Variants in RFC3 observed in about 807,000 individuals in gnomAD.
The protein encoded by RFC3 is A1 38 kDa subunit.
RFC3 carries 41 observed loss-of-function variants against 45.1 expected under a neutral mutation model. The observed-to-expected ratio is 0.91, with a 90% CI of 0.71 to 1.18. The LOEUF (loss-of-function observed/expected upper bound fraction) is 1.18. Among genes scored for constraint, RFC3 ranks in the 50% most tolerant of loss-of-function variants. The pLI, the probability that RFC3 is intolerant of heterozygous loss-of-function variation, is 0.00. For synonymous variants in RFC3, 149 were observed against 144.0 expected, an observed-to-expected ratio of 1.03 and a Z score of -0.25; for missense variants, 423 against 428.1, an observed-to-expected ratio of 0.99 and a Z score of 0.10.
chr13:33,909,241 A>G (rs2082689913), intron 8 of RFC3, among the ~76,000 whole-genome samples: 1 of 151,974 alleles, frequency 6.6e-6, no homozygotes, highest in South Asian at 2.1e-4. Flanking sequence ...TGGAAGAGAT[A>G]TTTTAAATTT....
At chr13:33,848,344 T>C (rs1208825261) in intron 8 of RFC3, 1 of 152,226 alleles carries the variant, frequency 6.6e-6, no homozygotes, top group Non-Finnish European at 1.5e-5. Flanking sequence ...TCCATGCTCC[T>C]TCCCCCTTTC....
intron 8 of RFC3, among the ~76,000 whole-genome samples, chr13:33,862,678 TATATTC>T (rs2082348826): frequency 1.3e-5 from 2 of 152,242 alleles, no homozygotes; most frequent in Non-Finnish European, 2.9e-5. Context: ...TATATTTTGA[TATATTC>T]ATATATCTTC....
intron 8 of RFC3, among the ~76,000 whole-genome samples, chr13:33,844,537 T>G (rs1265028128): frequency 2.6e-5 from 4 of 152,216 alleles, no homozygotes; most frequent in Non-Finnish European, 5.9e-5. Flanking sequence ...TTTTCTTGTT[T>G]GTGTATCTGT....
chr13:33,886,153 A>G (rs767409586), intron 8 of RFC3, among the ~76,000 whole-genome samples: 9 of 152,196 alleles, frequency 5.9e-5, no homozygotes, highest in Non-Finnish European at 1.0e-4. Flanking sequence ...CCAAGGATAG[A>G]AGCTGCATGT....
chr13:33,896,162 A>C lies in RFC3; in HGVS notation c.879+60945A>C, dbSNP rs528672646. On this transcript the variant is annotated intron_variant, in intron 8 of 8. Transcript: ENST00000434425. ...TTGTACCCCAAAAGCTATTGAAACAAAGAAATATATATATATGTATATATA... is the reference window on the plus strand; with the variant it reads ...TTGTACCCCAAAAGCTATTGAAACACAGAAATATATATATATGTATATATA... Among the ~76,000 whole-genome samples, 7 of 151,622 alleles carry C rather than the reference A, an allele frequency of 4.6e-5. No homozygotes were observed. The East Asian group carries it at 1.4e-3, about 29-fold the overall frequency.
intron 8 of RFC3, among the ~76,000 whole-genome samples, chr13:33,860,745 GAAGGTTACTTTGGC>G (rs1308272687): frequency 2.6e-5 from 4 of 152,128 alleles, no homozygotes; most frequent in Admixed American, 2.6e-4. Context: ...TCCAATCAGG[GAAGGTTACTTTGGC>G]AACCGCCAAT....
intron 8 of RFC3, among the ~76,000 whole-genome samples, chr13:33,931,334 G>A (rs1280011442): frequency 6.6e-6 from 1 of 152,080 alleles, no homozygotes; most frequent in Non-Finnish European, 1.5e-5. Context: ...GCCTAGAGGG[G>A]CTGTTAAACA....
intron 8 of RFC3, among the ~76,000 whole-genome samples, chr13:33,951,858 T>C (rs2082993250): frequency 6.6e-6 from 1 of 152,208 alleles, no homozygotes. Flanking sequence ...ACAATAATCA[T>C]GAAAGGGAAA....
chr13:33,906,159 CT>C (rs2082670691), intron 8 of RFC3, among the ~76,000 whole-genome samples: 1 of 152,086 alleles, frequency 6.6e-6, no homozygotes, highest in Non-Finnish European at 1.5e-5. Flanking sequence ...AAACACAGTT[CT>C]TAGGCTGTAA....
intron 8 of RFC3, among the ~76,000 whole-genome samples, chr13:33,923,946 A>C (rs915204383): frequency 1.3e-5 from 2 of 152,128 alleles, no homozygotes; most frequent in Non-Finnish European, 2.9e-5. Flanking sequence ...AGCTGGAGTT[A>C]TCTCTGAAGG....
chr13:33,825,179 A>T (rs2082037858), intron 3 of RFC3, among the ~76,000 whole-genome samples: 1 of 152,172 alleles, frequency 6.6e-6, no homozygotes, highest in South Asian at 2.1e-4. Context: ...TCTTTGACTG[A>T]AGTGCCAAAG....
intron 8 of RFC3, among the ~76,000 whole-genome samples, chr13:33,907,079 C>T (rs1389601566): frequency 6.6e-6 from 1 of 152,072 alleles, no homozygotes; most frequent in Non-Finnish European, 1.5e-5. Context: ...TTGCCTCAGC[C>T]TCTCAGAATG....
At chr13:33,935,957 A>C (rs886294119) in intron 8 of RFC3, among the ~76,000 whole-genome samples, 1 of 152,208 alleles carries the variant, frequency 6.6e-6, no homozygotes, top group Non-Finnish European at 1.5e-5. Flanking sequence ...CAGCATGGGC[A>C]GGTCCCCTGA....
downstream of RFC3, among the ~76,000 whole-genome samples, chr13:33,968,042 A>C (rs1308124870): frequency 1.3e-5 from 2 of 152,200 alleles, no homozygotes; most frequent in Non-Finnish European, 2.9e-5. Context: ...GTCACCCATG[A>C]AGGGTTATCT....
downstream of RFC3, among the ~76,000 whole-genome samples, chr13:33,838,407 A>G (rs1305269885): frequency 6.6e-6 from 1 of 152,046 alleles, no homozygotes; most frequent in African/African-American, 2.4e-5. Context: ...AATGTAGTTT[A>G]CCATTTATAG....
At chr13:33,939,439 G>A (rs1366653662) in intron 8 of RFC3, among the ~76,000 whole-genome samples, 2 of 152,176 alleles carry the variant, frequency 1.3e-5, no homozygotes, top group Non-Finnish European at 2.9e-5. Flanking sequence ...TGCTCGGAAG[G>A]TGGTGCACCC....
At chr13:33,931,991 G>T (rs2082855480) in intron 8 of RFC3, among the ~76,000 whole-genome samples, 1 of 152,072 alleles carries the variant, frequency 6.6e-6, no homozygotes, top group South Asian at 2.1e-4. Context: ...TGTTGTGTGT[G>T]TGTGTTTGTA....
At chr13:33,926,323 C>T (rs901010941) in intron 8 of RFC3, among the ~76,000 whole-genome samples, 1 of 151,496 alleles carries the variant, frequency 6.6e-6, no homozygotes, top group African/African-American at 2.4e-5. Flanking sequence ...CTAACCTGCA[C>T]ATTGTGCACA....
rs1251412346 is a variant in RFC3 at position 33,821,121 on chromosome 13, T to C, written c.88-11T>C. Reference sequence around the variant, plus strand: ...TTGACTAGGGAAAAATGCCTTGTTCTTTTTTTTCAGGTGCAGTGTGGTGAC... The same window carrying C: ...TTGACTAGGGAAAAATGCCTTGTTCCTTTTTTTCAGGTGCAGTGTGGTGAC... On this transcript the variant is annotated splice_polypyrimidine_tract_variant and intron_variant, in intron 1 of 8. Coordinates refer to ENST00000380071, the MANE Select transcript of RFC3 (RefSeq NM_002915.4). 6.2e-7 allele frequency: 1 copy of C among 1,606,150 alleles called. No homozygotes were observed. Among genetic ancestry groups the C allele is most frequent in the East Asian group, 2.2e-5 (1 of 44,654 alleles).
Sources: gnomAD v4.1 joint callset for allele counts (sites outside exome capture counted in the v4.1 genomes callset) on GRCh38, gnomAD v4.1.1 for gene constraint, MANE v1.5 for transcripts, NCBI Gene and HGNC (gene_info 2026-07-23, HGNC 2026-07-21) for gene names.